The following ADAM9 variants were observed in gnomAD, a reference collection of about 807,000 sequenced individuals.
ADAM9 encodes disintegrin and metalloproteinase domain-containing protein 9.
A neutral mutation model predicts 108.1 loss-of-function variants in ADAM9; 54 were observed. The ratio of observed to expected loss-of-function variants is 0.50; its 90% CI spans 0.40 to 0.63. ADAM9 has a LOEUF of 0.63. Ranked by LOEUF, ADAM9 falls within the 20% of genes least tolerant of loss-of-function variation. The pLI, the probability that ADAM9 is intolerant of heterozygous loss-of-function variation, is 0.00. For missense variants in ADAM9, 830 were observed against 997.7 expected, an observed-to-expected ratio of 0.83 and a Z score of 2.26; for synonymous variants, 316 against 336.0, an observed-to-expected ratio of 0.94 and a Z score of 0.65.
At chr8:39,054,657 AT>A in intron 13 of ADAM9, 84 bp downstream of exon 13, 1 of 1,202,784 alleles carries the variant, frequency 8.3e-7, no homozygotes, top group South Asian at 1.4e-5. Flanking sequence ...GTTTTTTGAG[AT>A]TTCTGAGTCA....
At chr8:39,000,128 A>G (rs558203294) in intron 1 of ADAM9, among the ~76,000 whole-genome samples, 53 of 151,574 alleles carry the variant, frequency 3.5e-4, no homozygotes, top group Non-Finnish European at 5.4e-4. Context: ...GAGTTCAAGC[A>G]ATTCTCCTGC....
At chr8:39,074,707 T>C (rs1197839671) in intron 15 of ADAM9, among the ~76,000 whole-genome samples, 3 of 152,122 alleles carry the variant, frequency 2.0e-5, no homozygotes, top group Non-Finnish European at 1.5e-5. Context: ...TTGCATTTAG[T>C]TGTTATGTCA....
At chr8:39,085,878 G>A (rs987364430) in intron 18 of ADAM9, among the ~76,000 whole-genome samples, 2 of 151,744 alleles carry the variant, frequency 1.3e-5, no homozygotes, top group Non-Finnish European at 2.9e-5. Context: ...TCGTTTCTTC[G>A]AATATTTTTT....
chr8:39,024,266 A>G (rs969368716), intron 9 of ADAM9, among the ~76,000 whole-genome samples: 1 of 152,002 alleles, frequency 6.6e-6, no homozygotes, highest in Admixed American at 6.5e-5. Context: ...ATTTTTAGTA[A>G]AATCGTACGC....
chr8:39,066,261 A>G (rs1838469362), intron 14 of ADAM9, among the ~76,000 whole-genome samples: 1 of 152,244 alleles, frequency 6.6e-6, no homozygotes, highest in African/African-American at 2.4e-5. Context: ...CTTTGGGTAT[A>G]TACCCAGTAA....
At chr8:39,054,601 G>GAAAAAA in intron 13 of ADAM9, 28 bp downstream of exon 13, 1 of 752,318 alleles carries the variant, frequency 1.3e-6, no homozygotes, top group Non-Finnish European at 1.8e-6. Context: ...TTTGGAAACA[G>GAAAAAA]GAAAAAAAAA....
chr8:39,039,660 T>G (rs561897865), intron 11 of ADAM9, among the ~76,000 whole-genome samples: 1 of 152,226 alleles, frequency 6.6e-6, no homozygotes, highest in Non-Finnish European at 1.5e-5. Flanking sequence ...TCTTTTTCTG[T>G]CTGGCTTGCT....
chr8:39,041,863 T>G, intron 11 of ADAM9, 83 bp from the exon 12 acceptor site: 2 of 1,248,566 alleles, frequency 1.6e-6, no homozygotes, highest in Non-Finnish European at 2.3e-6. Context: ...AATATTCACA[T>G]TTTGTGGGTT....
intron 12 of ADAM9, among the ~76,000 whole-genome samples, chr8:39,045,183 TATAC>T (rs1214604111): frequency 1.2e-4 from 13 of 112,838 alleles, no homozygotes; most frequent in East Asian, 5.7e-4. Context: ...TATATATGTG[TATAC>T]ATACATATAT....
Position 39,021,732 on chromosome 8 carries a change from T to G in ADAM9, c.744+18T>G. ...TGGATAGTGTAAGTTGTATTTTCTA[T>G]CAACCAGGATGATTCTGTCCTATTC... On this transcript the variant is annotated intron_variant, in intron 8 of 21. Transcript: ENST00000487273. 6.3e-7 allele frequency: 1 copy of G among 1,597,226 alleles called. No individual in the cohort carries two copies. Among genetic ancestry groups the G allele is most frequent in the Non-Finnish European group, 8.6e-7 (1 of 1,164,894 alleles).
chr8:39,005,470 A>G lies in ADAM9; in HGVS notation c.98-2416A>G, dbSNP rs895245411. ...ATTATTCCAAGTAAACTAAATAGAA[A>G]GCTGTTCCATGAACTGGGCAATTGT... On this transcript the variant is annotated intron_variant, in intron 1 of 21. Coordinates refer to ENST00000487273, the MANE Select transcript of ADAM9 (RefSeq NM_003816.3). Among the ~76,000 whole-genome samples, 53 of 152,382 alleles carry G rather than the reference A, an allele frequency of 3.5e-4. 1 individual carries two copies. The highest frequency in any genetic ancestry group is 2.0e-3 in the Admixed American group (31 of 15,310).
chr8:39,000,330 A>C (rs1365221372), intron 1 of ADAM9, among the ~76,000 whole-genome samples: 1 of 152,202 alleles, frequency 6.6e-6, no homozygotes, highest in Non-Finnish European at 1.5e-5. Flanking sequence ...TGTGGACCCA[A>C]CTAAAGTTGG....
chr8:39,054,691 A>G (rs1838063572), intron 13 of ADAM9, 118 bp downstream of exon 13: 1 of 837,126 alleles, frequency 1.2e-6, no homozygotes, highest in Non-Finnish European at 1.8e-6. Context: ...TTTTATGGTC[A>G]TGGGAAAAAT....
intron 19 of ADAM9, 91 bp from the exon 20 acceptor site, chr8:39,091,168 T>C: frequency 8.2e-7 from 1 of 1,216,210 alleles, no homozygotes; most frequent in Middle Eastern, 1.9e-4. Context: ...AACATCATTA[T>C]TCTGTATTTG....
intron 11 of ADAM9, among the ~76,000 whole-genome samples, chr8:39,028,126 C>T (rs1342672263): frequency 4.6e-5 from 7 of 151,992 alleles, no homozygotes; most frequent in Non-Finnish European, 8.8e-5. Context: ...GGGGAATATC[C>T]GTGGCCCCAA....
chr8:39,034,873 T>C (rs191546230), intron 11 of ADAM9, among the ~76,000 whole-genome samples: 2 of 152,360 alleles, frequency 1.3e-5, no homozygotes, highest in Admixed American at 6.5e-5. Context: ...ACAACATGCA[T>C]ACATACGTAT....
At chr8:39,090,327 C>T (rs1005208802) in intron 19 of ADAM9, 139 bp downstream of exon 19, 3 of 675,038 alleles carry the variant, frequency 4.4e-6, no homozygotes, top group Non-Finnish European at 7.4e-6. Context: ...CACACCACCA[C>T]ACCCAGTTAA....
At chr8:39,010,711 T>C (rs1836327458) in intron 2 of ADAM9, among the ~76,000 whole-genome samples, 1 of 152,106 alleles carries the variant, frequency 6.6e-6, no homozygotes, top group African/African-American at 2.4e-5. Flanking sequence ...ATCCCATGAA[T>C]TGGAGGATGT....
intron 2 of ADAM9, among the ~76,000 whole-genome samples, chr8:39,008,723 A>G (rs1836248518): frequency 1.3e-5 from 2 of 152,208 alleles, no homozygotes; most frequent in Non-Finnish European, 2.9e-5. Flanking sequence ...AATGTGTTAA[A>G]TGCGTATATT....
Sources: allele counts gnomAD v4.1 joint callset (sites outside exome capture counted in the v4.1 genomes callset), GRCh38; gene constraint gnomAD v4.1.1; transcripts MANE v1.5; gene names NCBI Gene and HGNC (gene_info 2026-07-23, HGNC 2026-07-21).